CSMD1: variants seen among roughly 807,000 people sequenced by gnomAD.
The protein encoded by CSMD1 is CUB and Sushi multiple domains 1.
Under a neutral mutation model 417.5 loss-of-function variants are expected in CSMD1, and 213 were observed. The ratio of observed to expected loss-of-function variants is 0.51; its 90% confidence interval spans 0.46 to 0.57. The LOEUF (loss-of-function observed/expected upper bound fraction) is 0.57, where lower values mean the gene tolerates loss of function less well. Ranked by LOEUF, CSMD1 falls within the 20% of genes least tolerant of loss-of-function variation. The pLI is 0.00. For synonymous variants in CSMD1, 2,862 were observed against 1,736.8 expected (o/e 1.65, Z -16.11); for missense variants, 6,923 against 4,529.7 (o/e 1.53, Z -15.17).
At chr8:3,919,620 CT>C (rs1401876639) in intron 5 of CSMD1, among the ~76,000 whole-genome samples, 1 of 152,016 alleles carries the variant, frequency 6.6e-6, no homozygotes, top group Non-Finnish European at 1.5e-5. Flanking sequence ...TATCTCTGGT[CT>C]TTTGTGATTC....
At chr8:4,307,798 A>G (rs572673206) in intron 3 of CSMD1, among the ~76,000 whole-genome samples, 7 of 152,294 alleles carry the variant, frequency 4.6e-5, no homozygotes, top group Admixed American at 2.6e-4. Flanking sequence ...TTACCTCTCT[A>G]CACTACAGTC....
At chr8:3,775,694 C>A (rs1449817334) in intron 5 of CSMD1, among the ~76,000 whole-genome samples, 2 of 152,156 alleles carry the variant, frequency 1.3e-5, no homozygotes, top group Non-Finnish European at 2.9e-5. Flanking sequence ...GAAATAAGTT[C>A]TAGTTCCTAA....
intron 5 of CSMD1, among the ~76,000 whole-genome samples, chr8:3,856,315 C>G (rs758075458): frequency 6.6e-6 from 1 of 152,162 alleles, no homozygotes; most frequent in Non-Finnish European, 1.5e-5. Flanking sequence ...TTGTAAGTTT[C>G]TTGAGGCTGC....
At chr8:4,184,872 T>C (rs1798574646) in intron 3 of CSMD1, among the ~76,000 whole-genome samples, 1 of 149,322 alleles carries the variant, frequency 6.7e-6, no homozygotes, top group South Asian at 2.1e-4. Context: ...CCAAGGTGGG[T>C]GGATCACCTG....
At chr8:4,595,866 T>A (rs1800249133) in intron 2 of CSMD1, among the ~76,000 whole-genome samples, 1 of 152,194 alleles carries the variant, frequency 6.6e-6, no homozygotes, top group Admixed American at 6.5e-5. Context: ...GGATCTTCCA[T>A]TCCTTCTTTG....
chr8:3,882,483 C>T (rs945673728), intron 5 of CSMD1, among the ~76,000 whole-genome samples: 4 of 152,154 alleles, frequency 2.6e-5, no homozygotes, highest in Non-Finnish European at 5.9e-5. Flanking sequence ...AATTATTTTG[C>T]AAAACTATTA....
chr8:4,383,754 C>A (rs1803258832), intron 3 of CSMD1, among the ~76,000 whole-genome samples: 1 of 150,154 alleles, frequency 6.7e-6, no homozygotes, highest in Admixed American at 6.6e-5. Context: ...AAAAAAATTT[C>A]CTTTTCTATC....
At chr8:3,930,972 C>G (rs993689689) in intron 5 of CSMD1, among the ~76,000 whole-genome samples, 1 of 150,314 alleles carries the variant, frequency 6.7e-6, no homozygotes, top group Non-Finnish European at 1.5e-5. Context: ...GCAAAAACGC[C>G]CTGTGGAATA....
intron 3 of CSMD1, among the ~76,000 whole-genome samples, chr8:4,151,836 G>A (rs1408980413): frequency 1.3e-5 from 2 of 152,118 alleles, no homozygotes; most frequent in African/African-American, 4.8e-5. Context: ...TATATAGCAT[G>A]AATCAATTAT....
chr8:4,328,627 C>G (rs1242044811), intron 3 of CSMD1, among the ~76,000 whole-genome samples: 2 of 150,230 alleles, frequency 1.3e-5, no homozygotes, highest in South Asian at 2.1e-4. Flanking sequence ...ATTTACCATG[C>G]TTACTTACCA....
At chr8:3,212,706 C>T (rs1797684321) in intron 30 of CSMD1, among the ~76,000 whole-genome samples, 1 of 152,024 alleles carries the variant, frequency 6.6e-6, no homozygotes, top group East Asian at 1.9e-4. Flanking sequence ...AGCTACACTT[C>T]TTTAACTTAA....
intron 5 of CSMD1, among the ~76,000 whole-genome samples, chr8:3,771,941 G>C (rs573508475): frequency 5.3e-5 from 8 of 151,982 alleles, no homozygotes; most frequent in African/African-American, 1.9e-4. Context: ...TCAACAAGCC[G>C]TGTAATGTCT....
intron 1 of CSMD1, among the ~76,000 whole-genome samples, chr8:4,989,687 T>G (rs1174378630): frequency 6.6e-6 from 1 of 152,216 alleles, no homozygotes; most frequent in East Asian, 1.9e-4. Context: ...CACTATGAGC[T>G]CAGCAGAAAA....
At chr8:4,045,709 G>C (rs1442902277) in intron 3 of CSMD1, among the ~76,000 whole-genome samples, 1 of 152,172 alleles carries the variant, frequency 6.6e-6, no homozygotes, top group African/African-American at 2.4e-5. Context: ...GTAACCATAA[G>C]ATTCAAAGAC....
At chr8:4,403,101 G>C (rs1424716438) in intron 3 of CSMD1, among the ~76,000 whole-genome samples, 1 of 151,864 alleles carries the variant, frequency 6.6e-6, no homozygotes, top group Admixed American at 6.6e-5. Flanking sequence ...AAAGTGCTGG[G>C]ATTACAGGCG....
chr8:4,302,761 C>A (rs992633711), intron 3 of CSMD1, among the ~76,000 whole-genome samples: 1 of 152,158 alleles, frequency 6.6e-6, no homozygotes, highest in Non-Finnish European at 1.5e-5. Context: ...CTGACCCCAA[C>A]TGAGTCCAGG....
intron 3 of CSMD1, among the ~76,000 whole-genome samples, chr8:4,378,861 G>GT (rs1802919081): frequency 6.6e-6 from 1 of 152,158 alleles, no homozygotes; most frequent in Admixed American, 6.5e-5. Context: ...CTATGAAACA[G>GT]AGAGTCAGCC....
chr8:4,126,505 C>A (rs1000285494), intron 3 of CSMD1, among the ~76,000 whole-genome samples: 1 of 152,196 alleles, frequency 6.6e-6, no homozygotes. Context: ...ACACTGGAAG[C>A]AGGAGGTCTC....
intron 3 of CSMD1, among the ~76,000 whole-genome samples, chr8:4,245,843 T>A (rs949568375): frequency 5.9e-5 from 9 of 152,308 alleles, no homozygotes; most frequent in Non-Finnish European, 1.2e-4. Context: ...CATCATTACA[T>A]AATCACATAA....
Sources: allele counts gnomAD v4.1 joint callset (sites outside exome capture counted in the v4.1 genomes callset), GRCh38; gene constraint gnomAD v4.1.1; transcripts MANE v1.5; gene names NCBI Gene and HGNC (gene_info 2026-07-23, HGNC 2026-07-21).